Variants in MINAR1 observed in about 807,000 individuals in gnomAD.
The protein encoded by MINAR1 is membrane integral NOTCH2 associated receptor 1.
A neutral mutation model predicts 65.1 loss-of-function variants in MINAR1; 40 were observed. The ratio of observed to expected loss-of-function variants is 0.61; its 90% CI spans 0.48 to 0.80. The LOEUF (loss-of-function observed/expected upper bound fraction) is 0.80, where lower values mean the gene tolerates loss of function less well. MINAR1 is among the 30% of genes least tolerant of loss of function. The probability of loss-of-function intolerance (pLI) is 0.00; values close to 1 mark genes in which losing one functional copy is unlikely to be tolerated. For synonymous variants in MINAR1, 482 were observed against 449.1 expected, an observed-to-expected ratio of 1.07 and a Z score of -0.93; for missense variants, 1,128 against 1,148.0, an observed-to-expected ratio of 0.98 and a Z score of 0.25.
At chr15:79,437,898 T>A (rs1035438543) in intron 1 of MINAR1, among the ~76,000 whole-genome samples, 1 of 12,248 alleles carries the variant, frequency 8.2e-5, no homozygotes, top group Non-Finnish European at 1.5e-4. Flanking sequence ...GAGTGTGGAG[T>A]GTGGGGTGGG....
At chr15:79,466,224 C>T (rs140814396) in intron 3 of MINAR1, among the ~76,000 whole-genome samples, 93 of 152,272 alleles carry the variant, frequency 6.1e-4, no homozygotes, top group East Asian at 1.9e-3. Flanking sequence ...TATGCCTCGG[C>T]GAGGGAAGGG....
intron 1 of MINAR1, among the ~76,000 whole-genome samples, chr15:79,452,930 T>C (rs532522686): frequency 6.6e-6 from 1 of 151,514 alleles, no homozygotes; most frequent in East Asian, 2.0e-4. Flanking sequence ...TATGTGAATG[T>C]GTCTGCGTGT....
intron 1 of MINAR1, among the ~76,000 whole-genome samples, chr15:79,434,007 A>G (rs1894526128): frequency 6.6e-6 from 1 of 152,190 alleles, no homozygotes; most frequent in Non-Finnish European, 1.5e-5. Context: ...AGAGAGGGCA[A>G]ACTTAGAGAT....
rs759329983 is a variant in MINAR1 at position 79,457,733 on chromosome 15, G to A, written c.1586G>A (p.Ser529Asn). The change falls in exon 2 of 4, where the codon AGC (serine) becomes AAC (asparagine). Residue 529 changes from serine to asparagine, a missense_variant. Transcript: ENST00000305428. ...ATTTTCCGATTTCTTGATGACATGA[G>A]CATCAGTGGCTCCACGGGAGTGATA... The part of the protein sequence containing the change: ...SDIFRFLDDM[S>N]ISGSTGVIQS... 7.4e-6 allele frequency: 12 copies of A among 1,614,090 alleles called. No homozygotes were observed. In the Admixed American group the frequency reaches 8.3e-5, roughly 11 times the overall value.
At chr15:79,433,974 G>A (rs1259541749) in intron 1 of MINAR1, among the ~76,000 whole-genome samples, 3 of 152,308 alleles carry the variant, frequency 2.0e-5, no homozygotes, top group South Asian at 4.2e-4. Context: ...GGAGGGTAGA[G>A]CAGGAGACGG....
Position 79,457,346 on chromosome 15 carries a change from G to C in MINAR1, c.1199G>C (p.Ser400Thr). 1 of 1,614,138 alleles carries C rather than the reference G, an allele frequency of 6.2e-7. No homozygotes were observed. Among genetic ancestry groups the C allele is most frequent in the Non-Finnish European group, 8.5e-7 (1 of 1,180,024 alleles). The change falls in exon 2 of 4, where the codon AGC (serine) becomes ACC (threonine). Residue 400 changes from serine to threonine, a missense_variant. Transcript: ENST00000305428. ...EEKLHYPNAS[S>T]QTPNFPAPER... Reference sequence around the variant, plus strand: ...AAGCTACACTATCCAAATGCCAGTAGCCAGACCCCCAATTTCCCAGCCCCA... The same window carrying C: ...AAGCTACACTATCCAAATGCCAGTACCCAGACCCCCAATTTCCCAGCCCCA...
chr15:79,459,023 A>G (rs1327405733), intron 2 of MINAR1, among the ~76,000 whole-genome samples: 1 of 140,948 alleles, frequency 7.1e-6, no homozygotes, highest in Non-Finnish European at 1.6e-5. Context: ...CTAAAAATGT[A>G]AAAAAAATTA....
chr15:79,468,349 G>A lies in MINAR1; in HGVS notation c.2716G>A (p.Val906Ile), dbSNP rs1380731050. The A allele has an allele frequency of 6.8e-6, 11 of 1,613,904 alleles. No homozygotes were observed. The highest frequency in any genetic ancestry group is 1.1e-5 in the South Asian group (1 of 91,020). ...TGCTGCGGCATGCACCGTCATCCTC[G>A]TTATTGTCGTGCCCATCTGCACAAT... ...IAAAACTVILVIVVPICTMKS is the reference protein window; with the variant it reads ...IAAAACTVILIIVVPICTMKS The change falls in exon 4 of 4, where the codon GTT becomes ATT. Residue 906 changes from valine to isoleucine, a missense_variant. Coordinates refer to ENST00000305428, the MANE Select transcript of MINAR1 (RefSeq NM_015206.3).
intron 1 of MINAR1, among the ~76,000 whole-genome samples, chr15:79,448,870 T>C (rs1285779003): frequency 6.6e-6 from 1 of 152,218 alleles, no homozygotes; most frequent in Admixed American, 6.5e-5. Context: ...ACTATATCCC[T>C]AAATCATCTC....
At chr15:79,443,847 A>T (rs922174309) in intron 1 of MINAR1, among the ~76,000 whole-genome samples, 9 of 152,180 alleles carry the variant, frequency 5.9e-5, no homozygotes, top group African/African-American at 1.9e-4. Flanking sequence ...GGTTTTGATT[A>T]TCTTGAGCTT....
the MINAR1 span, chr15:79,411,763 A>G: frequency 2.3e-6 from 1 of 430,260 alleles, no homozygotes; most frequent in Non-Finnish European, 4.2e-6. Flanking sequence ...GAGAAGTGGT[A>G]GGGGCAGCAC....
Position 79,457,584 on chromosome 15 carries a change from G to C in MINAR1, c.1437G>C (p.Glu479Asp). 3 of 1,614,190 alleles carry C rather than the reference G, an allele frequency of 1.9e-6. No individual in the cohort carries two copies. Among genetic ancestry groups the C allele is most frequent in the Non-Finnish European group, 2.5e-6 (3 of 1,180,038 alleles). The part of the protein sequence containing the change: ...SDTSSVGTQT[E>D]HVLEPKKCRD... ...CCAGTAGCGTGGGCACCCAGACTGA[G>C]CACGTGCTGGAGCCCAAGAAATGCA... is the stretch of plus-strand genomic sequence containing the variant. The change falls in exon 2 of 4, where the codon GAG becomes GAC. Residue 479 changes from glutamate to aspartate, a missense_variant. Transcript: ENST00000305428.
intron 1 of MINAR1, among the ~76,000 whole-genome samples, chr15:79,434,110 G>A (rs547246598): frequency 6.6e-6 from 1 of 152,322 alleles, no homozygotes; most frequent in South Asian, 2.1e-4. Flanking sequence ...GACTTGCATA[G>A]ATCAGGGAGT....
chr15:79,413,505 CCTT>C, the MINAR1 span: 2 of 152,222 alleles, frequency 1.3e-5, no homozygotes, highest in Admixed American at 6.5e-5. Flanking sequence ...GAAATAATCA[CCTT>C]CTTAAAATAC....
At chr15:79,425,186 T>G in the MINAR1 span, 1 of 152,260 alleles carries the variant, frequency 6.6e-6, no homozygotes, top group South Asian at 2.1e-4. Context: ...ACTATAGTCA[T>G]GCGCCAACAC....
At chr15:79,462,115 C>T (rs143782697) in intron 2 of MINAR1, among the ~76,000 whole-genome samples, 1 of 152,300 alleles carries the variant, frequency 6.6e-6, no homozygotes, top group Non-Finnish European at 1.5e-5. Flanking sequence ...TCGCCTCTAA[C>T]CCTCTGATGA....
intron 3 of MINAR1, 68 bp from the exon 4 acceptor site, chr15:79,468,119 C>CT: frequency 7.7e-7 from 1 of 1,295,282 alleles, no homozygotes; most frequent in South Asian, 1.3e-5. Context: ...GGAGTGATGA[C>CT]TGTCGGGACG....
In MINAR1 at chr15:79,468,348, C is replaced by T. The variant is rs779435857; in HGVS notation, c.2715C>T (p.Leu905=). The T allele has an allele frequency of 1.1e-5, 18 of 1,613,916 alleles. No homozygotes were observed. The highest frequency in any genetic ancestry group is 2.7e-5 in the African/African-American group (2 of 74,922). The change falls in exon 4 of 4, where the codon CTC becomes CTT. Residue 905 remains leucine (L), a synonymous_variant. Coordinates refer to ENST00000305428, the MANE Select transcript of MINAR1 (RefSeq NM_015206.3). ...CTGCTGCGGCATGCACCGTCATCCTCGTTATTGTCGTGCCCATCTGCACAA... is the reference window on the plus strand; with the variant it reads ...CTGCTGCGGCATGCACCGTCATCCTTGTTATTGTCGTGCCCATCTGCACAA... The part of the protein sequence containing the change: ...LIAAAACTVI[L]VIVVPICTMK...
At chr15:79,461,413 A>G (rs1046449235) in intron 2 of MINAR1, among the ~76,000 whole-genome samples, 1 of 152,222 alleles carries the variant, frequency 6.6e-6, no homozygotes, top group Admixed American at 6.5e-5. Flanking sequence ...GTTAATTGCA[A>G]TTATGCCTGC....
Sources: gnomAD v4.1 joint callset for allele counts (sites outside exome capture counted in the v4.1 genomes callset) on GRCh38, gnomAD v4.1.1 for gene constraint, MANE v1.5 for transcripts, NCBI Gene and HGNC (gene_info 2026-07-23, HGNC 2026-07-21) for gene names.